Variants in HLA-F observed in about 807,000 individuals in gnomAD.
HLA-F encodes the protein major histocompatibility complex, class I, F.
HLA-F carries 46 observed loss-of-function variants against 49.5 expected under a neutral mutation model. The ratio of observed to expected loss-of-function variants is 0.93; its 90% CI spans 0.73 to 1.19. HLA-F has a LOEUF of 1.19. Ranked by LOEUF, HLA-F falls within the 50% of genes most tolerant of loss-of-function variation. The probability of loss-of-function intolerance (pLI) is 0.00; values close to 1 mark genes in which losing one functional copy is unlikely to be tolerated. For missense variants in HLA-F, 496 were observed against 579.6 expected (o/e 0.86, Z 1.48); for synonymous variants, 203 against 233.5 (o/e 0.87, Z 1.19).
chr6:29,728,341 G>T (rs3817826), downstream of HLA-F: 53,732 of 315,274 alleles, frequency 0.17, 5,502 homozygotes, highest in East Asian at 0.29. Flanking sequence ...GCTTAGGCCT[G>T]TAACCTGGGG....
chr6:29,725,651 TG>T, intron 5 of HLA-F, 88 bp downstream of exon 5: 1 of 1,125,602 alleles, frequency 8.9e-7, no homozygotes, highest in South Asian at 1.3e-5. Flanking sequence ...GCCTCATTAC[TG>T]GGAAGCACCA....
intron 5 of HLA-F, 167 bp from the exon 6 acceptor site, chr6:29,725,844 G>C: frequency 1.3e-6 from 1 of 775,752 alleles, no homozygotes; most frequent in East Asian, 2.5e-5. Context: ...CAGGAGGGCA[G>C]TTGGTCCAGG....
intron 3 of HLA-F, chr6:29,736,467 G>A (rs1777108303): frequency 6.7e-6 from 3 of 447,134 alleles, no homozygotes; most frequent in South Asian, 4.8e-5. Context: ...AGAGAGAATT[G>A]TTTCAAAACA....
At chr6:29,737,827 G>A (rs1359715302) in intron 3 of HLA-F, 1 of 152,224 alleles carries the variant, frequency 6.6e-6, no homozygotes, top group Non-Finnish European at 1.5e-5. Flanking sequence ...CTGGGTGTGT[G>A]TCCAGCTCAC....
In HLA-F at chr6:29,725,241, A is replaced by G; in HGVS notation, c.821A>G (p.Glu274Gly). 1 of 1,614,128 alleles carries G rather than the reference A, an allele frequency of 6.2e-7. No individual in the cohort carries two copies. Among genetic ancestry groups the G allele is most frequent in the South Asian group, 1.1e-5 (1 of 91,076 alleles). The change falls in exon 4 of 7, where the codon GAG becomes GGG. Residue 274 changes from glutamate (E) to glycine (G), a missense_variant. Transcript: ENST00000259951. ...GCCGCTGTGGTGGTGCCTCCTGGAG[A>G]GGAACAGAGATACACATGCCATGTG... is the stretch of plus-strand genomic sequence containing the variant. ...KWAAVVVPPGEEQRYTCHVQH... is the reference protein window; with the variant it reads ...KWAAVVVPPGGEQRYTCHVQH...
At chr6:29,726,296 C>T in intron 6 of HLA-F, 1 of 1,204,354 alleles carries the variant, frequency 8.3e-7, no homozygotes, top group South Asian at 1.2e-5. Context: ...CTCAGCTGTG[C>T]TATTGGGTTT....
downstream of HLA-F, among the ~76,000 whole-genome samples, chr6:29,732,245 A>G (rs1411616416): frequency 2.0e-5 from 3 of 152,136 alleles, no homozygotes; most frequent in Admixed American, 2.0e-4. Context: ...TTGAGATTAC[A>G]GGCTTGAGGC....
At position 29,723,515 on chromosome 6, in the gene HLA-F, G is replaced by A. The variant is rs770733972; in HGVS notation, c.52G>A (p.Asp18Asn). ...LLLSGALALT[D>N]TWAGSHSLRY... ...GCTCTCAGGGGCCCTGGCCCTGACC[G>A]ATACTTGGGCGGGTGAGTGCGGGGT... The change falls in exon 1 of 7, where the codon GAT becomes AAT. Residue 18 changes from aspartate to asparagine, a missense_variant. Coordinates refer to ENST00000259951, the MANE Select transcript of HLA-F (RefSeq NM_001098479.2). 3.7e-6 allele frequency: 6 copies of A among 1,612,612 alleles called. No individual in the cohort carries two copies. In the Admixed American group the frequency reaches 1.0e-4, roughly 27 times the overall value.
chr6:29,726,670 T>G, intron 6 of HLA-F: 1 of 1,455,294 alleles, frequency 6.9e-7, no homozygotes, highest in Non-Finnish European at 9.5e-7. Flanking sequence ...TGACTCAGTT[T>G]AGGTGATCCC....
In HLA-F at chr6:29,726,998, C is replaced by G. The variant is rs778725087; in HGVS notation, c.1152C>G (p.Arg384=). The G allele has an allele frequency of 1.9e-6, 3 of 1,613,442 alleles. No individual in the cohort carries two copies. The highest frequency in any genetic ancestry group is 2.2e-5 in the South Asian group (2 of 91,076). Residue 384 remains arginine (R), a synonymous_variant, in exon 7 of 7, where the codon CGC becomes CGG. Coordinates refer to ENST00000259951, the MANE Select transcript of HLA-F (RefSeq NM_001098479.2). Reference sequence around the variant, plus strand: ...TCCGGAGTCACAGTGTCTTGGGCCGCCGGAAGGTGGGTGACATGTGGATCT... The same window carrying G: ...TCCGGAGTCACAGTGTCTTGGGCCGGCGGAAGGTGGGTGACATGTGGATCT... ...GCLRSHSVLG[R]RKVGDMWILF...
chr6:29,723,713 G>GC lies in HLA-F; in HGVS notation c.124dup (p.Arg42ProfsTer54). 1.2e-6 allele frequency: 2 copies of GC among 1,611,860 alleles called. No homozygotes were observed. Among genetic ancestry groups the GC allele is most frequent in the Non-Finnish European group, 1.7e-6 (2 of 1,179,774 alleles). On this transcript the variant is annotated frameshift_variant, in exon 2 of 7. Coordinates refer to ENST00000259951, the MANE Select transcript of HLA-F (RefSeq NM_001098479.2). LOFTEE classifies it high-confidence loss of function. ...CTGTGTCGCGGCCCGGCCGCGGGGA[G>GC]CCCCGCTACATCGCCGTGGAGTACG...
At chr6:29,731,882 T>C (rs1252114414), downstream of HLA-F, among the ~76,000 whole-genome samples, 1 of 152,214 alleles carries the variant, frequency 6.6e-6, no homozygotes. Context: ...AATATGTCAG[T>C]ACAATCACAG....
chr6:29,731,573 A>G (rs1776619036), downstream of HLA-F, among the ~76,000 whole-genome samples: 1 of 152,020 alleles, frequency 6.6e-6, no homozygotes, highest in Non-Finnish European at 1.5e-5. Flanking sequence ...TTTTTGTTCT[A>G]TCTGGGCCCC....
rs181298082 is a variant in HLA-F at position 29,724,960 on chromosome 6, T to C, written c.611-71T>C. 934 of 1,537,824 alleles carry C rather than the reference T, an allele frequency of 6.1e-4. 4 individuals carry two copies. In the African/African-American group the frequency reaches 9.6e-3, roughly 16 times the overall value. ...CCCAGGTGTCCTGTCCATTCTCAGG[T>C]TGGTCACATGGGTGCTGCTGGGGTT... On this transcript the variant is annotated intron_variant, in intron 3 of 6. Coordinates refer to ENST00000259951, the MANE Select transcript of HLA-F (RefSeq NM_001098479.2).
At chr6:29,726,717 A>T in intron 6 of HLA-F, 166 bp from the exon 7 acceptor site, 1 of 1,248,480 alleles carries the variant, frequency 8.0e-7, no homozygotes, top group Non-Finnish European at 1.2e-6. Context: ...CGTAGTCAGG[A>T]GCCAGTCGAA....
At chr6:29,726,311 G>A in intron 6 of HLA-F, 1 of 1,380,922 alleles carries the variant, frequency 7.2e-7, no homozygotes, top group East Asian at 2.3e-5. Flanking sequence ...GGGTTTCTTT[G>A]ACTTGGATGT....
At chr6:29,725,696 G>C in intron 5 of HLA-F, 133 bp downstream of exon 5, 1 of 780,284 alleles carries the variant, frequency 1.3e-6, no homozygotes, top group East Asian at 2.4e-5. Flanking sequence ...CCTGGGCCCT[G>C]TGTGCCAGCA....
intron 3 of HLA-F, 27 bp from the exon 4 acceptor site, chr6:29,725,004 G>T: frequency 6.2e-7 from 1 of 1,607,444 alleles, no homozygotes; most frequent in East Asian, 2.2e-5. Flanking sequence ...GGAGTGCAAA[G>T]TGCCTGAATT....
chr6:29,733,092 G>A lies in HLA-F; in HGVS notation c.404-5030G>A, dbSNP rs149987935. Among the ~76,000 whole-genome samples, 634 of 152,296 alleles carry A rather than the reference G, an allele frequency of 4.2e-3. 1 individual carries two copies. Among genetic ancestry groups the A allele is most frequent in the Non-Finnish European group, 6.7e-3 (458 of 68,038 alleles). On this transcript the variant is annotated intron_variant, in intron 3 of 4. Coordinates refer to the HLA-F transcript ENST00000465459. Reference sequence around the variant, plus strand: ...TAATCTCAGCTACTCAGGAGGCTGAGGCATGGAAATCACTTGAACCCGAGA... The same window carrying A: ...TAATCTCAGCTACTCAGGAGGCTGAAGCATGGAAATCACTTGAACCCGAGA...
Sources: allele counts gnomAD v4.1 joint callset (sites outside exome capture counted in the v4.1 genomes callset), GRCh38; gene constraint gnomAD v4.1.1; transcripts MANE v1.5; gene names NCBI Gene and HGNC (gene_info 2026-07-23, HGNC 2026-07-21).